The following RNF175 variants were observed in gnomAD, a reference collection of about 807,000 sequenced individuals.
The protein encoded by RNF175 is ring finger protein 175.
RNF175 carries 38 observed loss-of-function variants against 50.0 expected under a neutral mutation model. That is an observed-to-expected ratio of 0.76 (90% confidence interval 0.59 to 1.00). The LOEUF (loss-of-function observed/expected upper bound fraction) is 1.00, where lower values mean the gene tolerates loss of function less well. RNF175 is among the 50% of genes least tolerant of loss of function. The pLI, the probability that RNF175 is intolerant of heterozygous loss-of-function variation, is 0.00. For missense variants in RNF175, 388 were observed against 409.6 expected (o/e 0.95, Z 0.46); for synonymous variants, 155 against 146.1 (o/e 1.06, Z -0.44).
intron 3 of RNF175, among the ~76,000 whole-genome samples, chr4:153,736,587 A>G (rs1252646187): frequency 1.3e-5 from 2 of 152,186 alleles, no homozygotes; most frequent in African/African-American, 4.8e-5. Flanking sequence ...GAGAACTGGT[A>G]TCATTTCTTC....
At chr4:153,729,899 C>CTCTT (rs35026774) in intron 3 of RNF175, 496,216 of 506,752 alleles carry the variant, frequency 0.98, 243,354 homozygotes, top group East Asian at 1. Context: ...AAAAAATCCA[C>CTCTT]TAATCTTGCC....
At chr4:153,756,929 C>G (rs1202515893) in intron 1 of RNF175, among the ~76,000 whole-genome samples, 1 of 152,188 alleles carries the variant, frequency 6.6e-6, no homozygotes, top group Non-Finnish European at 1.5e-5. Context: ...TGCCTTCGCT[C>G]TCTTCCCTCT....
At chr4:153,743,619 GAGGC>G (rs1371766717) in intron 3 of RNF175, among the ~76,000 whole-genome samples, 1 of 152,102 alleles carries the variant, frequency 6.6e-6, no homozygotes, top group Non-Finnish European at 1.5e-5. Context: ...ATCATCATGA[GAGGC>G]AGGATAACAG....
intron 3 of RNF175, among the ~76,000 whole-genome samples, chr4:153,744,712 G>C (rs917213232): frequency 6.6e-6 from 1 of 152,150 alleles, no homozygotes; most frequent in Non-Finnish European, 1.5e-5. Flanking sequence ...TTGCAGATAA[G>C]GAAACCATAG....
At chr4:153,738,322 T>C (rs1385083179) in intron 3 of RNF175, among the ~76,000 whole-genome samples, 2 of 151,964 alleles carry the variant, frequency 1.3e-5, no homozygotes, top group African/African-American at 4.8e-5. Context: ...TAGCTGGAAC[T>C]ACAGGTGCCT....
At chr4:153,725,523 T>C (rs10021631) in intron 4 of RNF175, among the ~76,000 whole-genome samples, 30,078 of 152,114 alleles carry the variant, frequency 0.2, 3,153 homozygotes, top group East Asian at 0.3. Flanking sequence ...TAGAGATGTT[T>C]TAGGACTAAT....
At chr4:153,755,289 A>C (rs7686406) in intron 1 of RNF175, among the ~76,000 whole-genome samples, 1 of 152,256 alleles carries the variant, frequency 6.6e-6, no homozygotes, top group Non-Finnish European at 1.5e-5. Flanking sequence ...TTCTCCCTAC[A>C]AAAAGGCCCA....
intron 3 of RNF175, chr4:153,748,392 C>T: frequency 2.6e-6 from 1 of 381,536 alleles, no homozygotes; most frequent in Non-Finnish European, 4.7e-6. Context: ...ACCAGCATCC[C>T]TGGCCTCTAT....
chr4:153,757,250 T>G (rs1195235942), intron 1 of RNF175, among the ~76,000 whole-genome samples: 1 of 152,170 alleles, frequency 6.6e-6, no homozygotes, highest in Non-Finnish European at 1.5e-5. Flanking sequence ...GCATTGTTGA[T>G]GACTTATTTA....
At chr4:153,718,759 G>A (rs1038130394) in intron 6 of RNF175, among the ~76,000 whole-genome samples, 1 of 152,108 alleles carries the variant, frequency 6.6e-6, no homozygotes, top group South Asian at 2.1e-4. Context: ...AAAGGCAGTT[G>A]TATTGTACCA....
At chr4:153,717,770 CT>C (rs1423228867) in intron 6 of RNF175, among the ~76,000 whole-genome samples, 2 of 151,984 alleles carry the variant, frequency 1.3e-5, no homozygotes, top group East Asian at 3.8e-4. Flanking sequence ...AGGTCAGCAC[CT>C]TTTTTCCCAC....
At chr4:153,715,962 G>A (rs1373499920) in intron 6 of RNF175, among the ~76,000 whole-genome samples, 4 of 151,498 alleles carry the variant, frequency 2.6e-5, no homozygotes, top group African/African-American at 7.3e-5. Context: ...TACTCGGGAG[G>A]CTGAGGCAGG....
rs773426272 is a variant in RNF175, at chr4:153,710,517, A to G, written c.867-28T>C. Reference sequence around the variant, plus strand: ...AAATCTCAGTTAAGGAGGTTGTTCTATATACAGCCAAGTAGCAGAAATATT... The same window carrying G: ...AAATCTCAGTTAAGGAGGTTGTTCTGTATACAGCCAAGTAGCAGAAATATT... On this transcript the variant is annotated intron_variant, in intron 8 of 8. Transcript: ENST00000347063. 9.4e-6 allele frequency: 15 copies of G among 1,602,400 alleles called. No individual in the cohort carries two copies. In the South Asian group the frequency reaches 1.5e-4, roughly 16 times the overall value.
intron 7 of RNF175, 45 bp from the exon 8 acceptor site, chr4:153,712,621 G>A (rs376940502): frequency 1.8e-5 from 23 of 1,266,422 alleles, no homozygotes; most frequent in Non-Finnish European, 2.5e-5. Context: ...AAAAGGCAAT[G>A]TCTGGTTCAT....
At chr4:153,713,082 T>C (rs1737697187) in intron 7 of RNF175, 1 of 152,480 alleles carries the variant, frequency 6.6e-6, no homozygotes, top group Non-Finnish European at 1.5e-5. Context: ...TAATTTTTTT[T>C]CTTGACTTTT....
intron 3 of RNF175, among the ~76,000 whole-genome samples, chr4:153,745,169 T>A (rs10517579): frequency 6.6e-6 from 1 of 152,076 alleles, no homozygotes; most frequent in South Asian, 2.1e-4. Flanking sequence ...TAGTCCATAT[T>A]TGAATCTAAA....
intron 1 of RNF175, among the ~76,000 whole-genome samples, chr4:153,754,525 C>T (rs529137763): frequency 2.0e-5 from 3 of 152,198 alleles, no homozygotes; most frequent in South Asian, 4.2e-4. Context: ...GTTTAGGCAC[C>T]GTAGTGAGTT....
chr4:153,759,797 C>T lies in RNF175; in HGVS notation c.66G>A (p.Gln22=). Residue 22 remains glutamine, a splice_region_variant and synonymous_variant, in exon 1 of 9, where the codon CAG becomes CAA. Coordinates refer to ENST00000347063, the MANE Select transcript of RNF175 (RefSeq NM_173662.4). ...PVLEAPPQQE[Q]LSHTKLSAED... ...CACGCCCGCGCCCCCGCGCCAGTAC[C>T]TGCTCCTGCTGCGGGGGGGCCTCCA... The T allele has an allele frequency of 4.7e-6, 7 of 1,479,674 alleles. No individual in the cohort carries two copies. Among genetic ancestry groups the T allele is most frequent in the Non-Finnish European group, 6.2e-6 (7 of 1,122,838 alleles). The allele number at this position is 1,479,674 out of a possible 1,614,324, so 91.7% of individuals were successfully genotyped here.
At chr4:153,720,404 G>T in intron 5 of RNF175, 100 bp from the exon 6 acceptor site, 5 of 915,288 alleles carry the variant, frequency 5.5e-6, no homozygotes, top group South Asian at 1.8e-5. Flanking sequence ...AGAGAACCTT[G>T]TGGGTATTTT....
Sources: allele counts gnomAD v4.1 joint callset (sites outside exome capture counted in the v4.1 genomes callset), GRCh38; gene constraint gnomAD v4.1.1; transcripts MANE v1.5; gene names NCBI Gene and HGNC (gene_info 2026-07-23, HGNC 2026-07-21).